Variants in SERGEF observed in about 807,000 individuals in gnomAD.
The protein encoded by SERGEF is secretion regulating guanine nucleotide exchange factor, also known as secretion-regulating guanine nucleotide exchange factor.
In SERGEF, 51 loss-of-function variants were observed where a neutral mutation model predicts 50.0. The ratio of observed to expected loss-of-function variants is 1.02; its 90% CI spans 0.81 to 1.29. The LOEUF is 1.29. SERGEF is among the 50% of genes most tolerant of loss of function. The pLI, the probability that SERGEF is intolerant of heterozygous loss-of-function variation, is 0.00. For synonymous variants in SERGEF, 205 were observed against 212.4 expected, an observed-to-expected ratio of 0.97 and a Z score of 0.30; for missense variants, 521 against 557.0, an observed-to-expected ratio of 0.94 and a Z score of 0.65.
At chr11:17,852,545 A>C (rs117265823) in intron 10 of SERGEF, among the ~76,000 whole-genome samples, 5 of 152,298 alleles carry the variant, frequency 3.3e-5, no homozygotes, top group Non-Finnish European at 7.4e-5. Flanking sequence ...TATTTATGTA[A>C]GAATTTCAGT....
intron 9 of SERGEF, among the ~76,000 whole-genome samples, chr11:17,901,885 G>A (rs1341159088): frequency 6.6e-6 from 1 of 152,206 alleles, no homozygotes; most frequent in Admixed American, 6.5e-5. Context: ...CAGCAGAGCA[G>A]GAGAACATGT....
At chr11:17,862,693 T>C (rs140036109) in intron 10 of SERGEF, among the ~76,000 whole-genome samples, 61 of 152,290 alleles carry the variant, frequency 4.0e-4, no homozygotes, top group African/African-American at 1.4e-3. Flanking sequence ...AGCTGAGGCC[T>C]GTGGATGCGG....
At chr11:17,828,754 GTC>G (rs1850245782) in intron 10 of SERGEF, among the ~76,000 whole-genome samples, 1 of 152,142 alleles carries the variant, frequency 6.6e-6, no homozygotes, top group African/African-American at 2.4e-5. Flanking sequence ...GAAAAGAAAT[GTC>G]CAACATCTGA....
chr11:17,958,961 T>A (rs1852934728), intron 9 of SERGEF, among the ~76,000 whole-genome samples: 4 of 152,060 alleles, frequency 2.6e-5, no homozygotes. Context: ...CTCTGCCTCC[T>A]GAGTTCAAGC....
chr11:17,912,262 C>A (rs1719683003), intron 9 of SERGEF, among the ~76,000 whole-genome samples: 1 of 152,002 alleles, frequency 6.6e-6, no homozygotes, highest in Non-Finnish European at 1.5e-5. Context: ...AAGTTAGATG[C>A]CAGAGAAAAG....
intron 9 of SERGEF, among the ~76,000 whole-genome samples, chr11:17,938,856 G>T (rs1166484155): frequency 6.6e-6 from 1 of 152,150 alleles, no homozygotes; most frequent in Non-Finnish European, 1.5e-5. Context: ...GAGGAGAGAG[G>T]TAGAGATACT....
chr11:17,979,640 G>A (rs562863148), intron 8 of SERGEF, among the ~76,000 whole-genome samples: 1 of 152,310 alleles, frequency 6.6e-6, no homozygotes, highest in African/African-American at 2.4e-5. Context: ...TTAGGTTTCT[G>A]CACAACATGG....
chr11:17,845,199 A>G (rs1850583660), intron 10 of SERGEF, among the ~76,000 whole-genome samples: 2 of 152,114 alleles, frequency 1.3e-5, no homozygotes, highest in South Asian at 4.1e-4. Context: ...CAAACTCTAC[A>G]TGCTCTGCTT....
intron 9 of SERGEF, among the ~76,000 whole-genome samples, chr11:17,940,087 C>T (rs1350595882): frequency 6.7e-6 from 1 of 150,098 alleles, no homozygotes; most frequent in African/African-American, 2.4e-5. Context: ...TCCTTTCCAC[C>T]TCCAGTCTAA....
chr11:18,012,652 G>A, intron 1 of SERGEF: 1 of 1,169,622 alleles, frequency 8.5e-7, no homozygotes, highest in Non-Finnish European at 1.1e-6. Context: ...TATTCGGGCT[G>A]GAGGGCTCTC....
rs2283244 is a variant in SERGEF at position 17,876,741 on chromosome 11, G to A, written c.1048+1467C>T. ...GTGCTTTCACAAATTTAGATTCCCTGCCATCTTCTTGTTTATGTTGGTCCC... is the reference window on the plus strand; with the variant it reads ...GTGCTTTCACAAATTTAGATTCCCTACCATCTTCTTGTTTATGTTGGTCCC... On this transcript the variant is annotated intron_variant, in intron 10 of 10. Coordinates refer to ENST00000265965, the MANE Select transcript of SERGEF (RefSeq NM_012139.4). Among the ~76,000 whole-genome samples the A allele has an allele frequency of 0.015, 2,251 of 152,296 alleles. 178 individuals carry two copies. In the East Asian group the frequency reaches 0.24, roughly 16 times the overall value.
rs184885989 is a variant in SERGEF, at chr11:17,899,780, C to T, written c.1012-21536G>A. On this transcript the variant is annotated intron_variant, in intron 9 of 10. Transcript: ENST00000265965. ...CCAGCCAGGACAACATACTGAGACC[C>T]CCCATCTCTAAAAAAAAATTAAAAA... Among the ~76,000 whole-genome samples the T allele has an allele frequency of 5.6e-3, 848 of 151,790 alleles. 10 individuals are homozygous for T. The highest frequency in any genetic ancestry group is 0.019 in the African/African-American group (807 of 41,390).
At chr11:17,927,257 G>A (rs1363837108) in intron 9 of SERGEF, among the ~76,000 whole-genome samples, 1 of 152,190 alleles carries the variant, frequency 6.6e-6, no homozygotes, top group East Asian at 1.9e-4. Context: ...GTCCAGTGTG[G>A]AAGGGACTCA....
chr11:17,908,894 T>G (rs476372), intron 9 of SERGEF, among the ~76,000 whole-genome samples: 1 of 151,738 alleles, frequency 6.6e-6, no homozygotes, highest in East Asian at 1.9e-4. Context: ...GTCATCAGCA[T>G]GAGAAGCCAC....
rs76217711 is a variant in SERGEF at position 17,884,578 on chromosome 11, T to C, written c.1012-6334A>G. The stretch of plus-strand genomic sequence containing the variant: ...CAGTGAGCCACCAGAGTTCCACCTC[T>C]AAGCTCAGAAATGGTCCCAACTGGG... On this transcript the variant is annotated intron_variant, in intron 9 of 10. Transcript: ENST00000265965. The surrounding 1 kb of genome is among the most constrained non-coding windows in gnomAD (Gnocchi z 4.6). 0.02 allele frequency among the ~76,000 whole-genome samples: 3,089 copies of C among 152,080 alleles called. 159 individuals are homozygous for C. The East Asian group carries it at 0.2, about 10-fold the overall frequency.
rs756893663 is a variant in SERGEF, at chr11:18,006,681, C to A, written c.262G>T (p.Asp88Tyr). The part of the protein sequence containing the change: ...DGQLGLGHTE[D>Y]IPYFTPCKSL... ...TTGCAGGGGGTAAAATATGGGATAT[C>A]CTCTGTGTGACCAAGCCCCAGTTGC... is the stretch of plus-strand genomic sequence containing the variant. Residue 88 changes from aspartate to tyrosine, a missense_variant, in exon 3 of 11, where the codon GAT becomes TAT. Coordinates refer to ENST00000265965, the MANE Select transcript of SERGEF (RefSeq NM_012139.4). 7 of 1,614,010 alleles carry A rather than the reference C, an allele frequency of 4.3e-6. No homozygotes were observed. In the East Asian group the frequency reaches 1.6e-4, roughly 36 times the overall value.
chr11:17,924,289 T>C (rs1036593584), intron 9 of SERGEF, among the ~76,000 whole-genome samples: 1 of 152,204 alleles, frequency 6.6e-6, no homozygotes, highest in South Asian at 2.1e-4. Context: ...TTGGCATATA[T>C]AGAAAACTTC....
intron 3 of SERGEF, among the ~76,000 whole-genome samples, chr11:18,005,224 T>C (rs1163282183): frequency 2.6e-5 from 4 of 152,190 alleles, no homozygotes; most frequent in African/African-American, 9.6e-5. Context: ...CTCCTTACAA[T>C]CCAAAACATA....
chr11:18,008,273 A>G (rs1369904119), intron 1 of SERGEF, among the ~76,000 whole-genome samples, 197 bp from the exon 2 acceptor site: 2 of 152,254 alleles, frequency 1.3e-5, no homozygotes, highest in Non-Finnish European at 2.9e-5. Flanking sequence ...ATTCAAATAT[A>G]TAATAACAAG....
Sources: gnomAD v4.1 joint callset for allele counts (sites outside exome capture counted in the v4.1 genomes callset) on GRCh38, gnomAD v4.1.1 for gene constraint, Gnocchi (gnomAD v3.1) non-coding constraint, MANE v1.5 for transcripts, NCBI Gene and HGNC (gene_info 2026-07-23, HGNC 2026-07-21) for gene names.